DHRS2: variants seen among roughly 807,000 people sequenced by gnomAD.
The protein encoded by DHRS2 is dehydrogenase/reductase 2.
In DHRS2, 29 loss-of-function variants were observed where a neutral mutation model predicts 26.3. The observed-to-expected ratio is 1.10, with a 90% CI of 0.82 to 1.50. The LOEUF (loss-of-function observed/expected upper bound fraction) is 1.50. DHRS2 is among the 40% of genes most tolerant of loss of function. The pLI, the probability that DHRS2 is intolerant of heterozygous loss-of-function variation, is 0.00. For missense variants in DHRS2, 439 were observed against 367.1 expected, an observed-to-expected ratio of 1.20 and a Z score of -1.60; for synonymous variants, 164 against 151.3, an observed-to-expected ratio of 1.08 and a Z score of -0.62.
chr14:23,641,701 C>T (rs1020850221), intron 4 of DHRS2: 3 of 1,289,728 alleles, frequency 2.3e-6, no homozygotes, highest in African/African-American at 3.0e-5. Context: ...GACATCTGGA[C>T]CACTTCTTGC....
chr14:23,644,697 C>T, intron 7 of DHRS2, 130 bp from the exon 8 acceptor site: 2 of 1,480,868 alleles, frequency 1.4e-6, no homozygotes, highest in Non-Finnish European at 1.9e-6. Context: ...GCAGTCCATC[C>T]ATCCTGAAAA....
At chr14:23,638,672 G>A (rs1890467184) in intron 1 of DHRS2, 155 bp from the exon 2 acceptor site, 1 of 678,824 alleles carries the variant, frequency 1.5e-6, no homozygotes, top group East Asian at 2.8e-5. Context: ...TTGCTTTCCT[G>A]ACCTGAGGTT....
Position 23,645,471 on chromosome 14 carries a change from T to C in DHRS2, c.*218T>C. 2 of 936,084 alleles carry C rather than the reference T, an allele frequency of 2.1e-6. 1 individual carries two copies. Among genetic ancestry groups the C allele is most frequent in the Non-Finnish European group, 3.1e-6 (2 of 646,576 alleles). 58.0% of individuals were successfully genotyped at this position (936,084 alleles called of 1,614,324 possible). A position where few individuals can be genotyped will look rare whatever the true frequency, so the allele number is the denominator to read the frequency against. On this transcript the variant is annotated 3_prime_UTR_variant, in exon 9 of 9. Transcript: ENST00000250383. Reference sequence around the variant, plus strand: ...TGGCTGATCCAATTAACATGTGGGGTTCTTGGTGTGGGTCTGGGGAGCTGA... The same window carrying C: ...TGGCTGATCCAATTAACATGTGGGGCTCTTGGTGTGGGTCTGGGGAGCTGA...
At chr14:23,644,240 C>T in intron 6 of DHRS2, 78 bp downstream of exon 6, 2 of 1,581,480 alleles carry the variant, frequency 1.3e-6, no homozygotes, top group Non-Finnish European at 1.7e-6. Context: ...GCCTTACAGA[C>T]AAAGTGCCTG....
At chr14:23,636,895 CG>C (rs1468648006) in intron 1 of DHRS2, 123 bp downstream of exon 1, 1 of 152,244 alleles carries the variant, frequency 6.6e-6, no homozygotes, top group Non-Finnish European at 1.5e-5. Flanking sequence ...GGACTAAAAA[CG>C]TGGGTGTCAG....
At chr14:23,643,097 G>A in intron 4 of DHRS2, 55 bp from the exon 5 acceptor site, 1 of 1,581,768 alleles carries the variant, frequency 6.3e-7, no homozygotes, top group Non-Finnish European at 8.7e-7. Flanking sequence ...TATGAGAGCA[G>A]GACTTGGGCT....
upstream of DHRS2, among the ~76,000 whole-genome samples, chr14:23,635,116 A>C (rs1186758478): frequency 6.6e-6 from 1 of 151,840 alleles, no homozygotes; most frequent in African/African-American, 2.4e-5. Flanking sequence ...AGGCTGGAGT[A>C]CGGTGGTGCA....
At chr14:23,643,263 G>A (rs1376626001) in intron 5 of DHRS2, 44 bp downstream of exon 5, 1 of 1,585,426 alleles carries the variant, frequency 6.3e-7, no homozygotes, top group Non-Finnish European at 8.7e-7. Flanking sequence ...TTGGGGACCT[G>A]AGGTGGGCAC....
At chr14:23,638,496 T>A (rs1890453312) in intron 1 of DHRS2, 2 of 187,524 alleles carry the variant, frequency 1.1e-5, no homozygotes, top group Non-Finnish European at 2.2e-5. Context: ...AGTCTGTCGT[T>A]TACTAAGGTG....
chr14:23,640,205 C>T (rs1890584259), intron 4 of DHRS2: 2 of 981,140 alleles, frequency 2.0e-6, no homozygotes, highest in Non-Finnish European at 2.5e-6. Context: ...TCTAGGGATA[C>T]AGCTGTGAAT....
intron 4 of DHRS2, chr14:23,640,533 C>T: frequency 1.6e-6 from 1 of 631,992 alleles, no homozygotes; most frequent in Non-Finnish European, 2.0e-6. Context: ...TCCCCAGTGA[C>T]TTCTGTTCCC....
chr14:23,637,830 C>T (rs1890404825), intron 1 of DHRS2, among the ~76,000 whole-genome samples: 2 of 152,170 alleles, frequency 1.3e-5, no homozygotes, highest in South Asian at 2.1e-4. Context: ...GCAATCAGCA[C>T]TCTGTCAAAA....
chr14:23,637,032 C>T (rs764832661), intron 1 of DHRS2, among the ~76,000 whole-genome samples: 2 of 152,144 alleles, frequency 1.3e-5, no homozygotes, highest in Non-Finnish European at 2.9e-5. Flanking sequence ...GAGAGGAAAG[C>T]CATTCAGCTC....
chr14:23,635,809 G>A (rs1324850965), upstream of DHRS2, among the ~76,000 whole-genome samples: 1 of 152,174 alleles, frequency 6.6e-6, no homozygotes. Flanking sequence ...AGGGAGAGGC[G>A]CCGGCAGGAG....
upstream of DHRS2, among the ~76,000 whole-genome samples, chr14:23,635,344 G>A (rs1354212336): frequency 2.6e-5 from 4 of 152,160 alleles, no homozygotes; most frequent in South Asian, 2.1e-4. Flanking sequence ...GTGAGCTACC[G>A]TGCCTGGCCT....
At chr14:23,635,748 TG>T (rs1366340980), upstream of DHRS2, among the ~76,000 whole-genome samples, 1 of 152,254 alleles carries the variant, frequency 6.6e-6, no homozygotes, top group Non-Finnish European at 1.5e-5. Flanking sequence ...GGCCCCTCTC[TG>T]GGGCTGGCCA....
intron 4 of DHRS2, chr14:23,640,334 C>G (rs1299087321): frequency 2.0e-6 from 2 of 985,454 alleles, no homozygotes; most frequent in Middle Eastern, 5.2e-4. Flanking sequence ...GAGACTGTCT[C>G]TCCTAGAAGG....
At chr14:23,642,845 G>A in intron 4 of DHRS2, 1 of 275,738 alleles carries the variant, frequency 3.6e-6, no homozygotes, top group Non-Finnish European at 7.0e-6. Context: ...TGAGATTACA[G>A]GCATGACCCA....
chr14:23,639,910 C>CT lies in DHRS2; in HGVS notation c.420+16dup. On this transcript the variant is annotated intron_variant, in intron 4 of 8. Transcript: ENST00000250383. ...TCTGGGACAAGGTGAGAGGCCTCCC[C>CT]TGGGGAGGCGGCTGAGGGCCCGATT... 1.9e-6 allele frequency: 3 copies of CT among 1,564,582 alleles called. No individual in the cohort carries two copies. The South Asian group carries it at 3.6e-5, about 19-fold the overall frequency.
Sources: allele counts gnomAD v4.1 joint callset (sites outside exome capture counted in the v4.1 genomes callset), GRCh38; gene constraint gnomAD v4.1.1; transcripts MANE v1.5; gene names NCBI Gene and HGNC (gene_info 2026-07-23, HGNC 2026-07-21).